The following TTC8 variants were observed in gnomAD, a reference collection of about 807,000 sequenced individuals.
TTC8 encodes the protein tetratricopeptide repeat domain 8.
TTC8 carries 47 observed loss-of-function variants against 72.5 expected under a neutral mutation model. The observed-to-expected ratio is 0.65, with a 90% CI of 0.51 to 0.83. The LOEUF (loss-of-function observed/expected upper bound fraction) is 0.83. TTC8 is among the 40% of genes least tolerant of loss of function. TTC8 has a pLI of 0.00. For synonymous variants in TTC8, 199 were observed against 221.4 expected, an observed-to-expected ratio of 0.90 and a Z score of 0.90; for missense variants, 611 against 623.2, an observed-to-expected ratio of 0.98 and a Z score of 0.21.
chr14:88,826,142 C>G (rs887345874), intron 1 of TTC8, among the ~76,000 whole-genome samples: 1 of 151,750 alleles, frequency 6.6e-6, no homozygotes, highest in African/African-American at 2.4e-5. Context: ...TACGTGCCAC[C>G]AAGCCTGGCT....
rs1465032700 is a variant in TTC8 at position 88,874,903 on chromosome 14, A to G, written c.1348-123A>G. Reference sequence around the variant, plus strand: ...GAGGAATGTTGTCGGTATTTATCACAGGCTCGTGTTATTAAAGTCCTGTCA... The same window carrying G: ...GAGGAATGTTGTCGGTATTTATCACGGGCTCGTGTTATTAAAGTCCTGTCA... On this transcript the variant is annotated intron_variant, in intron 13 of 14. Transcript: ENST00000380656. The G allele has an allele frequency of 7.7e-6, 5 of 645,338 alleles. No homozygotes were observed. The East Asian group carries it at 1.4e-4, about 18-fold the overall frequency. 40.0% of individuals were successfully genotyped at this position (645,338 alleles called of 1,614,324 possible).
intron 10 of TTC8, among the ~76,000 whole-genome samples, chr14:88,865,884 GAATAAAGAA>G: frequency 6.6e-6 from 1 of 151,830 alleles, no homozygotes; most frequent in South Asian, 2.1e-4. Flanking sequence ...TCTGATAAAG[GAATAAAGAA>G]AATAGAGTCA....
intron 8 of TTC8, among the ~76,000 whole-genome samples, chr14:88,854,437 A>G (rs905689816): frequency 1.3e-5 from 2 of 152,220 alleles, no homozygotes; most frequent in African/African-American, 4.8e-5. Flanking sequence ...AACTGGGAGT[A>G]CAAAAGATTA....
intron 1 of TTC8, chr14:88,831,104 G>A (rs1595928210): frequency 3.7e-6 from 1 of 267,388 alleles, no homozygotes; most frequent in East Asian, 9.9e-5. Context: ...AGTCTAGACA[G>A]GTTAAAGTGA....
intron 6 of TTC8, among the ~76,000 whole-genome samples, chr14:88,842,649 C>T (rs763938455): frequency 1.3e-5 from 2 of 152,070 alleles, no homozygotes; most frequent in African/African-American, 2.4e-5. Flanking sequence ...GCATTTTTCT[C>T]AATTAAATTA....
chr14:88,824,622 C>T, upstream of TTC8: 1 of 1,151,794 alleles, frequency 8.7e-7, no homozygotes. Context: ...CGCGGGTTGC[C>T]GGGCAGAGTC....
intron 1 of TTC8, 111 bp from the exon 2 acceptor site, chr14:88,833,582 C>T (rs2140961809): frequency 2.2e-6 from 2 of 912,410 alleles, no homozygotes; most frequent in Admixed American, 1.9e-5. Context: ...TTTTTGGATT[C>T]TTATTGAATG....
chr14:88,861,358 T>C, intron 10 of TTC8, 26 bp downstream of exon 10: 14 of 1,474,636 alleles, frequency 9.5e-6, no homozygotes, highest in Non-Finnish European at 1.3e-5. Context: ...ATTATTATTA[T>C]TTATTGATAC....
In TTC8 at chr14:88,841,413, T is replaced by C. The variant is rs371106506; in HGVS notation, c.490-12T>C. The C allele has an allele frequency of 6.2e-7, 1 of 1,613,158 alleles. No homozygotes were observed. Among genetic ancestry groups the C allele is most frequent in the African/African-American group, 1.3e-5 (1 of 74,934 alleles). On this transcript the variant is annotated splice_polypyrimidine_tract_variant and intron_variant, in intron 5 of 14. Transcript: ENST00000380656. ...GTTTCAGATCTCTTGGTCTATTGTT[T>C]TTCCTCTGTAGGCTTCCATGCTTAC...
intron 1 of TTC8, among the ~76,000 whole-genome samples, chr14:88,826,278 G>A (rs2094700024): frequency 1.3e-5 from 2 of 151,750 alleles, no homozygotes; most frequent in East Asian, 3.9e-4. Flanking sequence ...ATGAGCCACC[G>A]CGCCCAGCCC....
intron 14 of TTC8, among the ~76,000 whole-genome samples, chr14:88,876,129 A>C (rs1015453944): frequency 2.0e-5 from 3 of 152,196 alleles, no homozygotes; most frequent in Non-Finnish European, 2.9e-5. Context: ...CCCAGATCCC[A>C]GTGATGTCCA....
At chr14:88,840,979 A>G (rs1001459320) in intron 4 of TTC8, 51 bp downstream of exon 4, 6 of 1,613,666 alleles carry the variant, frequency 3.7e-6, no homozygotes, top group Non-Finnish European at 5.1e-6. Flanking sequence ...ATCAGACTGT[A>G]TGAGAGTCTT....
intron 6 of TTC8, 98 bp downstream of exon 6, chr14:88,841,612 A>G (rs915888281): frequency 4.9e-6 from 5 of 1,028,748 alleles, no homozygotes; most frequent in Non-Finnish European, 7.6e-6. Context: ...AGGAAAGGCC[A>G]TGTCTTTATT....
rs1053569593 is a variant in TTC8 at position 88,844,541 on chromosome 14, CT to C, written c.624+698del. Among the ~76,000 whole-genome samples the C allele has an allele frequency of 2.7e-4, 41 of 151,706 alleles. 1 individual carries two copies. The highest frequency in any genetic ancestry group is 2.1e-4 in the South Asian group (1 of 4,808). ...AAAATGTTTTCCTTAATTGTGTTTTCTTTTTTTCTTCTTTTTTTTTTGAGAC... is the reference window on the plus strand; with the variant it reads ...AAAATGTTTTCCTTAATTGTGTTTTCTTTTTTCTTCTTTTTTTTTTGAGAC... On this transcript the variant is annotated intron_variant, in intron 7 of 14. Coordinates refer to ENST00000380656, the MANE Select transcript of TTC8 (RefSeq NM_144596.4).
intron 1 of TTC8, among the ~76,000 whole-genome samples, chr14:88,827,681 G>A (rs2094707570): frequency 1.3e-5 from 2 of 152,222 alleles, no homozygotes; most frequent in South Asian, 4.1e-4. Context: ...ACCAGTTTCT[G>A]TATTTTGCAC....
chr14:88,870,545 T>C (rs2094929514), intron 11 of TTC8, among the ~76,000 whole-genome samples: 1 of 152,184 alleles, frequency 6.6e-6, no homozygotes, highest in African/African-American at 2.4e-5. Context: ...GACACTGAAA[T>C]TGAAAGGTGA....
rs2094927520 is a variant in TTC8, at chr14:88,870,092, T to G, written c.943T>G (p.Tyr315Asp). 6 of 1,614,060 alleles carry G rather than the reference T, an allele frequency of 3.7e-6. No homozygotes were observed. The highest frequency in any genetic ancestry group is 3.4e-6 in the Non-Finnish European group (4 of 1,179,942). Residue 315 changes from tyrosine (Y) to aspartate (D), a missense_variant, in exon 11 of 15, where the codon TAC (tyrosine) becomes GAC (aspartate). Coordinates refer to ENST00000380656, the MANE Select transcript of TTC8 (RefSeq NM_144596.4). ...MNNMSSAAEY[Y>D]KEVLKQDNTH... ...CAATATGTCATCAGCAGCAGAATAT[T>G]ACAAAGAAGTTTTGAAACAAGACAA...
At chr14:88,830,076 CT>C (rs1351028603) in intron 1 of TTC8, among the ~76,000 whole-genome samples, 12 of 152,304 alleles carry the variant, frequency 7.9e-5, no homozygotes, top group Admixed American at 5.2e-4. Context: ...TTCTCTTAAA[CT>C]TTTTCCCCCT....
chr14:88,837,142 T>C (rs941542987), intron 2 of TTC8: 4 of 188,476 alleles, frequency 2.1e-5, no homozygotes, highest in Non-Finnish European at 4.6e-5. Context: ...CATTAGCTTC[T>C]CATCAGGATA....
Sources: gnomAD v4.1 joint callset for allele counts (sites outside exome capture counted in the v4.1 genomes callset) on GRCh38, gnomAD v4.1.1 for gene constraint, MANE v1.5 for transcripts, NCBI Gene and HGNC (gene_info 2026-07-23, HGNC 2026-07-21) for gene names.